Variants in TRPM3 observed in about 807,000 individuals in gnomAD.
TRPM3 encodes long transient receptor potential channel 3.
Under a neutral mutation model 181.2 loss-of-function variants are expected in TRPM3, and 77 were observed. That is an observed-to-expected ratio of 0.42 (90% CI 0.35 to 0.51). The LOEUF (loss-of-function observed/expected upper bound fraction) is 0.51, where lower values mean the gene tolerates loss of function less well. Ranked by LOEUF, TRPM3 falls within the 20% of genes least tolerant of loss-of-function variation. TRPM3 has a pLI of 0.01. For synonymous variants in TRPM3, 745 were observed against 796.4 expected (o/e 0.94, Z 1.09); for missense variants, 1,759 against 2,196.7 (o/e 0.80, Z 3.98).
intron 1 of TRPM3, among the ~76,000 whole-genome samples, chr9:70,970,482 C>T (rs1373598277): frequency 6.6e-6 from 1 of 152,152 alleles, no homozygotes; most frequent in East Asian, 1.9e-4. Context: ...AGACTTGGTA[C>T]AGCGATGGGC....
chr9:70,822,892 C>T (rs538543244), intron 6 of TRPM3, among the ~76,000 whole-genome samples: 1 of 151,966 alleles, frequency 6.6e-6, no homozygotes, highest in Middle Eastern at 3.4e-3. Context: ...GTCAATATGC[C>T]CATGTGTCAC....
At chr9:71,240,033 C>T (rs2081574667) in intron 1 of TRPM3, among the ~76,000 whole-genome samples, 1 of 152,104 alleles carries the variant, frequency 6.6e-6, no homozygotes, top group Admixed American at 6.6e-5. Context: ...AATTTATTCG[C>T]TTGAAAGGTT....
intron 1 of TRPM3, among the ~76,000 whole-genome samples, chr9:71,207,953 A>T (rs2079228464): frequency 6.6e-6 from 1 of 152,090 alleles, no homozygotes; most frequent in East Asian, 1.9e-4. Flanking sequence ...TTGTCCCCCA[A>T]ATCCTTCTTA....
chr9:70,639,190 C>A lies in TRPM3; in HGVS notation c.1451G>T (p.Gly484Val). Residue 484 changes from glycine (G) to valine (V), a missense_variant, in exon 11 of 26, where the codon GGA becomes GTA. Physicochemically the swap from Gly to Val is moderately radical, Grantham distance 109. Transcript: ENST00000677713. ...ATCCAACATGGCTTGCTCCAGAGAT[C>A]CCACCTGCAAACCAAGTCACTGAGT... ...IFIYGQQWPV[G>V]SLEQAMLDAL... 1 of 1,613,634 alleles carries A rather than the reference C, an allele frequency of 6.2e-7. No homozygotes were observed. The highest frequency in any genetic ancestry group is 8.5e-7 in the Non-Finnish European group (1 of 1,179,804).
At chr9:71,223,814 G>A (rs1295917047) in intron 1 of TRPM3, among the ~76,000 whole-genome samples, 3 of 152,214 alleles carry the variant, frequency 2.0e-5, no homozygotes, top group Non-Finnish European at 4.4e-5. Flanking sequence ...ATAGAAAGGA[G>A]AAGAAAGAAT....
At chr9:71,260,053 T>C (rs1382068391) in intron 1 of TRPM3, among the ~76,000 whole-genome samples, 1 of 152,194 alleles carries the variant, frequency 6.6e-6, no homozygotes, top group African/African-American at 2.4e-5. Flanking sequence ...GAGTTAATTT[T>C]TGTATAAAGT....
chr9:71,042,826 T>A (rs2058985756), intron 1 of TRPM3, among the ~76,000 whole-genome samples: 1 of 152,162 alleles, frequency 6.6e-6, no homozygotes, highest in African/African-American at 2.4e-5. Context: ...AAATAAGCAT[T>A]CTATACCTGG....
intron 1 of TRPM3, among the ~76,000 whole-genome samples, chr9:71,254,530 T>C (rs2082555134): frequency 6.6e-6 from 1 of 152,210 alleles, no homozygotes; most frequent in South Asian, 2.1e-4. Flanking sequence ...ATGCATATGT[T>C]AACTAGCTCA....
chr9:71,104,577 G>C (rs912138220), intron 1 of TRPM3, among the ~76,000 whole-genome samples: 2 of 152,096 alleles, frequency 1.3e-5, no homozygotes, highest in Non-Finnish European at 2.9e-5. Flanking sequence ...AGATAAGAAG[G>C]CTTCATTACT....
At chr9:71,091,837 T>C (rs1049831051) in intron 1 of TRPM3, among the ~76,000 whole-genome samples, 1 of 152,050 alleles carries the variant, frequency 6.6e-6, no homozygotes, top group African/African-American at 2.4e-5. Context: ...TGAAAGCCCA[T>C]AGAGAAAGGC....
chr9:71,197,156 G>T (rs1165186890), intron 1 of TRPM3, among the ~76,000 whole-genome samples: 1 of 152,038 alleles, frequency 6.6e-6, no homozygotes, highest in African/African-American at 2.4e-5. Context: ...TTACGGAGAA[G>T]GATGATTCCC....
rs538547725 is a variant in TRPM3, at chr9:70,675,284, A to G, written c.1345+6222T>C. On this transcript the variant is annotated intron_variant, in intron 9 of 25. Transcript: ENST00000677713. ...CTCCACTTATTTTTGTATTTTTAGT[A>G]GAGGTGAGGTTTGGCCATGTTGGCC... 2.1e-3 allele frequency among the ~76,000 whole-genome samples: 324 copies of G among 152,120 alleles called. 1 individual carries two copies. Among genetic ancestry groups the G allele is most frequent in the African/African-American group, 7.6e-3 (314 of 41,506 alleles).
intron 3 of TRPM3, among the ~76,000 whole-genome samples, chr9:70,850,655 T>C (rs1589224711): frequency 6.6e-6 from 1 of 152,208 alleles, no homozygotes. Flanking sequence ...ACACTGCTAC[T>C]TGAGTAGTGT....
rs755732140 is a variant in TRPM3 at position 70,549,692 on chromosome 9, AAGG to A, written c.3575-21_3575-19del. On this transcript the variant is annotated intron_variant, in intron 24 of 25. Transcript: ENST00000677713. ...GAAGAGTTCTGTGGAAAAAAAAAAA[AAGG>A]AAGTCTTGAGGGAGAGAAGTAAAAG... 4.2e-5 allele frequency: 66 copies of A among 1,584,000 alleles called. No individual in the cohort carries two copies. The highest frequency in any genetic ancestry group is 5.5e-5 in the Non-Finnish European group (65 of 1,172,942).
At chr9:70,594,167 G>A (rs897131786) in intron 21 of TRPM3, among the ~76,000 whole-genome samples, 3 of 150,390 alleles carry the variant, frequency 2.0e-5, no homozygotes, top group Non-Finnish European at 4.4e-5. Flanking sequence ...AGGTGGCCTC[G>A]GGCAAGCTGC....
chr9:71,042,517 T>C (rs1291559413), intron 1 of TRPM3, among the ~76,000 whole-genome samples: 2 of 152,094 alleles, frequency 1.3e-5, no homozygotes, highest in Non-Finnish European at 2.9e-5. Flanking sequence ...GTCCCATAAG[T>C]GGCAGGAACA....
At chr9:71,033,851 G>T (rs781164017) in intron 1 of TRPM3, among the ~76,000 whole-genome samples, 1 of 152,156 alleles carries the variant, frequency 6.6e-6, no homozygotes, top group Non-Finnish European at 1.5e-5. Context: ...CGGGTGGCCA[G>T]AACCTGTCCC....
intron 1 of TRPM3, among the ~76,000 whole-genome samples, chr9:71,032,062 A>T (rs2057497551): frequency 1.4e-4 from 1 of 7,268 alleles, no homozygotes; most frequent in South Asian, 5.2e-3. Context: ...TATATATTAT[A>T]TATATTATAT....
intron 1 of TRPM3, among the ~76,000 whole-genome samples, chr9:71,199,820 C>G (rs2078659306): frequency 1.3e-5 from 2 of 151,708 alleles, no homozygotes; most frequent in East Asian, 3.9e-4. Context: ...TTTCAAAAAA[C>G]CAGCTCCTGG....
Sources: allele counts gnomAD v4.1 joint callset (sites outside exome capture counted in the v4.1 genomes callset), GRCh38; gene constraint gnomAD v4.1.1; transcripts MANE v1.5; gene names NCBI Gene and HGNC (gene_info 2026-07-23, HGNC 2026-07-21).